Variants in ALDH2 observed in about 807,000 individuals in gnomAD.
The protein encoded by ALDH2 is aldehyde dehydrogenase, mitochondrial.
Under a neutral mutation model 59.6 loss-of-function variants are expected in ALDH2, and 44 were observed. The observed-to-expected ratio is 0.74, with a 90% confidence interval of 0.58 to 0.95. The LOEUF (loss-of-function observed/expected upper bound fraction) is 0.95, where lower values mean the gene tolerates loss of function less well. Among genes scored for constraint, ALDH2 ranks in the 40% least tolerant of loss-of-function variants. The pLI, the probability that ALDH2 is intolerant of heterozygous loss-of-function variation, is 0.00. For synonymous variants in ALDH2, 291 were observed against 284.0 expected, an observed-to-expected ratio of 1.02 and a Z score of -0.25; for missense variants, 570 against 696.3, an observed-to-expected ratio of 0.82 and a Z score of 2.04.
At chr12:111,807,870 G>C (rs1211657128) in intron 12 of ALDH2, among the ~76,000 whole-genome samples, 2 of 149,642 alleles carry the variant, frequency 1.3e-5, no homozygotes, top group Admixed American at 1.4e-4. Flanking sequence ...GAATTAGGTG[G>C]CTCAATTTTT....
Position 111,815,033 on chromosome 12 carries a change from A to C in ALDH2, c.*5458A>C, listed in dbSNP as rs1365473825. The C allele has an allele frequency of 6.6e-6, 1 of 152,012 alleles. No homozygotes were observed. The highest frequency in any genetic ancestry group is 1.5e-5 in the Non-Finnish European group (1 of 68,000). 9.4% of individuals were successfully genotyped at this position (152,012 alleles called of 1,614,324 possible). ...GATAAAACAGAGCTGACATTTGTTC[A>C]TTTGTATTGATTTTATTTACATTTT... On this transcript the variant is annotated 3_prime_UTR_variant, in exon 13 of 13. Transcript: ENST00000261733.
intron 1 of ALDH2, among the ~76,000 whole-genome samples, chr12:111,767,548 A>G (rs1399610765): frequency 1.3e-5 from 2 of 152,118 alleles, no homozygotes; most frequent in East Asian, 1.9e-4. Flanking sequence ...ACCAGGAAAG[A>G]GGTGATTTGC....
chr12:111,807,331 C>G (rs1372104274), intron 12 of ALDH2, among the ~76,000 whole-genome samples: 1 of 151,964 alleles, frequency 6.6e-6, no homozygotes, highest in African/African-American at 2.4e-5. Flanking sequence ...CACCATAAAG[C>G]TATGACAAAG....
chr12:111,782,219 C>T (rs747355618), intron 2 of ALDH2, among the ~76,000 whole-genome samples, 197 bp downstream of exon 2: 6 of 152,190 alleles, frequency 3.9e-5, no homozygotes, highest in Non-Finnish European at 7.3e-5. Context: ...GAACTATAGA[C>T]TTAGAAGTGA....
chr12:111,778,835 G>GA (rs766411401), intron 1 of ALDH2, among the ~76,000 whole-genome samples: 125 of 130,718 alleles, frequency 9.6e-4, no homozygotes, highest in Admixed American at 1.1e-3. Context: ...TCTGTCTCAG[G>GA]AAAAAAAAAA....
chr12:111,790,605 G>A, intron 6 of ALDH2, 43 bp downstream of exon 6: 1 of 1,613,744 alleles, frequency 6.2e-7, no homozygotes, highest in Non-Finnish European at 8.5e-7. Flanking sequence ...TGCCCTTGTT[G>A]AGGCTTGTTC....
Position 111,799,906 on chromosome 12 carries a change from A to G in ALDH2, c.1249A>G (p.Ile417Val). The change falls in exon 11 of 13, where the codon ATC becomes GTC. Residue 417 changes from isoleucine (I) to valine (V), a missense_variant and splice_region_variant. Physicochemically the swap from Ile to Val is conservative, Grantham distance 29 (BLOSUM62 3). Transcript: ENST00000261733. ...CTCCTACGCTGCTCTCTCACTCCAG[A>G]TCTTCGGGCCAGTGATGCAGATCCT... ...QDGMTIAKEE[I>V]FGPVMQILKF... The G allele has an allele frequency of 1.2e-6, 2 of 1,613,216 alleles. No individual in the cohort carries two copies. Among genetic ancestry groups the G allele is most frequent in the Non-Finnish European group, 1.7e-6 (2 of 1,179,542 alleles).
At chr12:111,777,043 G>C (rs566877088) in intron 1 of ALDH2, among the ~76,000 whole-genome samples, 2 of 152,320 alleles carry the variant, frequency 1.3e-5, no homozygotes, top group East Asian at 3.9e-4. Context: ...TAAAGATGGA[G>C]ATTTGGGAAT....
rs2068422109 is a variant in ALDH2 at position 111,798,251 on chromosome 12, T to C, written c.1248+9T>C. ...CCATCGCCAAGGAGGAGGTGAGCACTTGGGGCCAGTGCTCTGGAAACATTC... is the reference window on the plus strand; with the variant it reads ...CCATCGCCAAGGAGGAGGTGAGCACCTGGGGCCAGTGCTCTGGAAACATTC... On this transcript the variant is annotated intron_variant, in intron 10 of 12. Transcript: ENST00000261733. 6.5e-7 allele frequency: 1 copy of C among 1,542,948 alleles called. No homozygotes were observed. The highest frequency in any genetic ancestry group is 2.3e-5 in the East Asian group (1 of 43,712).
chr12:111,784,570 G>T (rs2068296361), intron 3 of ALDH2, among the ~76,000 whole-genome samples: 1 of 152,176 alleles, frequency 6.6e-6, no homozygotes, highest in African/African-American at 2.4e-5. Flanking sequence ...TCTAGACAGG[G>T]CTGGGCAGCC....
chr12:111,772,942 CAA>C (rs34108639), intron 1 of ALDH2, among the ~76,000 whole-genome samples: 4 of 131,022 alleles, frequency 3.1e-5, no homozygotes, highest in South Asian at 4.9e-4. Context: ...GACTCCGTCT[CAA>C]AAAAAAAAAA....
rs1397006454 is a variant in ALDH2, at chr12:111,809,790, T to C, written c.*215T>C. 1.4e-5 allele frequency: 8 copies of C among 581,082 alleles called. No individual in the cohort carries two copies. The highest frequency in any genetic ancestry group is 3.1e-5 in the Admixed American group (1 of 31,984). 36.0% of individuals were successfully genotyped at this position (581,082 alleles called of 1,614,324 possible). A position where few individuals can be genotyped will look rare whatever the true frequency, so the allele number is the denominator to read the frequency against. On this transcript the variant is annotated 3_prime_UTR_variant, in exon 13 of 13. Coordinates refer to ENST00000261733, the MANE Select transcript of ALDH2 (RefSeq NM_000690.4). ...TGAGGAACCTTTTAAACGACAACAA[T>C]ACTGCTAGCTTTCAGGATGATTTTT...
intron 10 of ALDH2, 50 bp downstream of exon 10, chr12:111,798,292 G>T (rs1381003164): frequency 7.3e-6 from 11 of 1,512,160 alleles, no homozygotes; most frequent in Non-Finnish European, 9.7e-6. Flanking sequence ...GGGAGGTGAG[G>T]TAAACAGTTC....
At chr12:111,775,751 G>A (rs1459546209) in intron 1 of ALDH2, 3 of 449,794 alleles carry the variant, frequency 6.7e-6, no homozygotes, top group South Asian at 3.1e-5. Flanking sequence ...CTGGTCAGGA[G>A]GTTATAAAGC....
Position 111,792,131 on chromosome 12 carries a change from A to G in ALDH2, c.866A>G (p.Lys289Arg), listed in dbSNP as rs762922297. 3 of 1,607,934 alleles carry G rather than the reference A, an allele frequency of 1.9e-6. No homozygotes were observed. Among genetic ancestry groups the G allele is most frequent in the East Asian group, 2.2e-5 (1 of 44,876 alleles). Residue 289 changes from lysine (K) to arginine (R), a missense_variant, in exon 8 of 13, where the codon AAG (lysine) becomes AGG (arginine). Lys to Arg is a conservative substitution (Grantham distance 26). Transcript: ENST00000261733. ...LKRVTLELGGKSPNIIMSDAD... is the reference protein window; with the variant it reads ...LKRVTLELGGRSPNIIMSDAD... ...AGAGTGACCTTGGAGCTGGGGGGGA[A>G]GAGCCCCAACATCATCATGTCAGAT...
chr12:111,798,000 C>T (rs1566192396), intron 9 of ALDH2, 78 bp from the exon 10 acceptor site: 1 of 1,552,818 alleles, frequency 6.4e-7, no homozygotes, highest in Non-Finnish European at 8.8e-7. Flanking sequence ...TGTCTTGTTG[C>T]CTGCATAATT....
Position 111,810,864 on chromosome 12 carries a change from T to C in ALDH2, c.*1289T>C, listed in dbSNP as rs2136031256. ...CTGGGATTACAGGTGTGAGCCACTG[T>C]GCCCAATTCAGTTCTCAGTAAAAAC... On this transcript the variant is annotated 3_prime_UTR_variant, in exon 13 of 13. Transcript: ENST00000261733. 6.6e-6 allele frequency: 1 copy of C among 152,280 alleles called. No homozygotes were observed. The highest frequency in any genetic ancestry group is 1.5e-5 in the Non-Finnish European group (1 of 68,026). 9.4% of individuals were successfully genotyped at this position (152,280 alleles called of 1,614,324 possible). A position where few individuals can be genotyped will look rare whatever the true frequency, so the allele number is the denominator to read the frequency against.
intron 11 of ALDH2, among the ~76,000 whole-genome samples, chr12:111,802,553 C>T (rs2068461006): frequency 6.6e-6 from 1 of 150,736 alleles, no homozygotes; most frequent in Non-Finnish European, 1.5e-5. Context: ...TGCACTCCAG[C>T]TTGGCAACAG....
In ALDH2 at chr12:111,789,854, G is replaced by C. The variant is rs779006912; in HGVS notation, c.472G>C (p.Gly158Arg). The C allele has an allele frequency of 6.2e-7, 1 of 1,614,150 alleles. No individual in the cohort carries two copies. Among genetic ancestry groups the C allele is most frequent in the East Asian group, 2.2e-5 (1 of 44,882 alleles). The change falls in exon 5 of 13, where the codon GGG (glycine) becomes CGG (arginine). Residue 158 changes from glycine (G) to arginine (R), a missense_variant. Coordinates refer to ENST00000261733, the MANE Select transcript of ALDH2 (RefSeq NM_000690.4). ...TGCCGGCTGGGCTGATAAGTACCAC[G>C]GGAAAACCATCCCCATTGACGGAGA... ...YYAGWADKYH[G>R]KTIPIDGDFF...
Sources: allele counts gnomAD v4.1 joint callset (sites outside exome capture counted in the v4.1 genomes callset), GRCh38; gene constraint gnomAD v4.1.1; transcripts MANE v1.5; gene names NCBI Gene and HGNC (gene_info 2026-07-23, HGNC 2026-07-21).